GRM8: variants seen among roughly 807,000 people sequenced by gnomAD.
GRM8 encodes the protein glutamate metabotropic receptor 8.
Under a neutral mutation model 87.2 loss-of-function variants are expected in GRM8, and 47 were observed. That is an observed-to-expected ratio of 0.54 (90% CI 0.43 to 0.69). GRM8 has a LOEUF of 0.69. GRM8 is among the 30% of genes least tolerant of loss of function. GRM8 has a pLI of 0.00. For missense variants in GRM8, 1,019 were observed against 1,139.2 expected (o/e 0.89, Z 1.52); for synonymous variants, 396 against 404.5 (o/e 0.98, Z 0.25).
chr7:126,468,464 C>T (rs1804759447), intron 9 of GRM8, among the ~76,000 whole-genome samples: 1 of 152,044 alleles, frequency 6.6e-6, no homozygotes, highest in African/African-American at 2.4e-5. Context: ...ATCCTGAGCT[C>T]TGACCACTAC....
At chr7:126,808,330 T>C (rs1563206989) in intron 6 of GRM8, among the ~76,000 whole-genome samples, 1 of 152,116 alleles carries the variant, frequency 6.6e-6, no homozygotes, top group Non-Finnish European at 1.5e-5. Context: ...CTTGCAAGTA[T>C]TAAAAACAGA....
At chr7:127,033,094 T>G (rs1236045928) in intron 3 of GRM8, among the ~76,000 whole-genome samples, 1 of 151,766 alleles carries the variant, frequency 6.6e-6, no homozygotes, top group East Asian at 1.9e-4. Context: ...ATGTTATTTT[T>G]GTCTCCTGGT....
Position 127,106,587 on chromosome 7 carries a change from T to C in GRM8, c.636A>G (p.Ala212=). ...GTGTCGAAACATAATTCCATCCCAGTGCTGTCACGATGTCCACCATGGCTT... is the reference window on the plus strand; with the variant it reads ...GTGTCGAAACATAATTCCATCCCAGCGCTGTCACGATGTCCACCATGGCTT... The part of the protein sequence containing the change: ...QAQAMVDIVT[A]LGWNYVSTLA... The change falls in exon 3 of 11, where the codon GCA becomes GCG. Residue 212 remains alanine (A), a synonymous_variant. Coordinates refer to ENST00000339582, the MANE Select transcript of GRM8 (RefSeq NM_000845.3). 6.2e-7 allele frequency: 1 copy of C among 1,614,126 alleles called. No homozygotes were observed. The highest frequency in any genetic ancestry group is 8.5e-7 in the Non-Finnish European group (1 of 1,179,996).
chr7:126,917,139 C>A (rs1389486866), intron 3 of GRM8, among the ~76,000 whole-genome samples: 2 of 152,054 alleles, frequency 1.3e-5, no homozygotes, highest in Non-Finnish European at 2.9e-5. Context: ...CCATGCCTGG[C>A]TAATATTTTT....
At chr7:126,802,650 G>C (rs1482191449) in intron 6 of GRM8, among the ~76,000 whole-genome samples, 1 of 152,098 alleles carries the variant, frequency 6.6e-6, no homozygotes, top group Non-Finnish European at 1.5e-5. Flanking sequence ...TGATTTTTCT[G>C]GCCAGCCTCT....
chr7:126,457,207 A>C (rs1803358118), intron 9 of GRM8, among the ~76,000 whole-genome samples: 1 of 151,554 alleles, frequency 6.6e-6, no homozygotes, highest in Non-Finnish European at 1.5e-5. Flanking sequence ...AAATCAGTAA[A>C]AAAAATATCC....
chr7:126,907,738 A>C (rs1802866574), intron 3 of GRM8, among the ~76,000 whole-genome samples: 1 of 152,206 alleles, frequency 6.6e-6, no homozygotes, highest in Admixed American at 6.5e-5. Flanking sequence ...TCCACGGAAG[A>C]AAAATGGATG....
At chr7:126,701,229 G>C (rs536662622) in intron 7 of GRM8, among the ~76,000 whole-genome samples, 1 of 152,214 alleles carries the variant, frequency 6.6e-6, no homozygotes, top group South Asian at 2.1e-4. Context: ...CGGAAGGTTG[G>C]GGGTGGGCTG....
intron 2 of GRM8, among the ~76,000 whole-genome samples, chr7:127,117,532 T>C (rs570140801): frequency 6.6e-6 from 1 of 152,286 alleles, no homozygotes; most frequent in South Asian, 2.1e-4. Flanking sequence ...AAAGAAAAAT[T>C]AGGGGAAGTT....
intron 8 of GRM8, among the ~76,000 whole-genome samples, chr7:126,607,876 C>G (rs80302710): frequency 1.5e-5 from 2 of 131,678 alleles, no homozygotes; most frequent in East Asian, 4.8e-4. Context: ...AGTCCCCAGA[C>G]TGTGATGTTC....
chr7:126,727,736 CA>C (rs1563129848), intron 7 of GRM8, among the ~76,000 whole-genome samples: 24 of 151,138 alleles, frequency 1.6e-4, no homozygotes, highest in East Asian at 7.8e-4. Flanking sequence ...CACACACACA[CA>C]CACCCCTAAA....
chr7:127,161,598 T>C (rs1719001231), intron 2 of GRM8, among the ~76,000 whole-genome samples: 1 of 152,192 alleles, frequency 6.6e-6, no homozygotes, highest in African/African-American at 2.4e-5. Context: ...ACAGTAGAGC[T>C]GCTGAAGCAA....
intron 3 of GRM8, among the ~76,000 whole-genome samples, chr7:127,079,368 C>T (rs991660160): frequency 6.6e-6 from 1 of 152,192 alleles, no homozygotes; most frequent in African/African-American, 2.4e-5. Context: ...ATGATCCACC[C>T]ACCTCAGCCT....
intron 3 of GRM8, among the ~76,000 whole-genome samples, chr7:127,064,414 T>G (rs550978751): frequency 6.6e-6 from 1 of 152,330 alleles, no homozygotes; most frequent in African/African-American, 2.4e-5. Context: ...GTTTGAAATC[T>G]GTTTTGTTTG....
At chr7:126,587,845 TGTGAA>T (rs752145217) in intron 8 of GRM8, among the ~76,000 whole-genome samples, 138 of 148,916 alleles carry the variant, frequency 9.3e-4, no homozygotes, top group Middle Eastern at 3.4e-3. Flanking sequence ...AAAAAAGTAA[TGTGAA>T]GTATGAAAAA....
intron 3 of GRM8, among the ~76,000 whole-genome samples, chr7:127,104,236 T>C (rs1825601691): frequency 6.6e-6 from 1 of 152,194 alleles, no homozygotes. Flanking sequence ...AAATTGAATG[T>C]ATACATCTCT....
intron 6 of GRM8, among the ~76,000 whole-genome samples, chr7:126,864,494 A>C (rs1798426729): frequency 6.6e-6 from 1 of 152,128 alleles, no homozygotes; most frequent in Non-Finnish European, 1.5e-5. Flanking sequence ...TTGTTTGTCC[A>C]ATCTATTGAT....
At chr7:127,047,122 T>C (rs1245907062) in intron 3 of GRM8, among the ~76,000 whole-genome samples, 2 of 152,224 alleles carry the variant, frequency 1.3e-5, no homozygotes, top group East Asian at 1.9e-4. Flanking sequence ...AACCTGTTTT[T>C]GCTGTTAAAA....
chr7:126,543,882 G>A (rs1033252265), intron 8 of GRM8, among the ~76,000 whole-genome samples: 2 of 152,230 alleles, frequency 1.3e-5, no homozygotes, highest in African/African-American at 4.8e-5. Flanking sequence ...CTAGTCCACA[G>A]TGCAAGAGGC....
Sources: allele counts gnomAD v4.1 joint callset (sites outside exome capture counted in the v4.1 genomes callset), GRCh38; gene constraint gnomAD v4.1.1; transcripts MANE v1.5; gene names NCBI Gene and HGNC (gene_info 2026-07-23, HGNC 2026-07-21).